OXSR1: variants seen among roughly 807,000 people sequenced by gnomAD.
The protein encoded by OXSR1 is serine/threonine-protein kinase OSR1.
A neutral mutation model predicts 79.8 loss-of-function variants in OXSR1; 24 were observed. That is an observed-to-expected ratio of 0.30 (90% CI 0.22 to 0.42). The LOEUF (loss-of-function observed/expected upper bound fraction) is 0.42. Ranked by LOEUF, OXSR1 falls within the 10% of genes least tolerant of loss-of-function variation. The probability of loss-of-function intolerance (pLI) is 1.00; values close to 1 mark genes in which losing one functional copy is unlikely to be tolerated. For synonymous variants in OXSR1, 226 were observed against 209.2 expected, an observed-to-expected ratio of 1.08 and a Z score of -0.69; for missense variants, 430 against 618.4, an observed-to-expected ratio of 0.70 and a Z score of 3.23.
intron 3 of OXSR1, chr3:38,193,392 C>T: frequency 7.8e-7 from 1 of 1,288,408 alleles, no homozygotes; most frequent in Non-Finnish European, 1.0e-6. Flanking sequence ...ATGGTTCTTT[C>T]AGTATGGAGA....
At chr3:38,244,666 T>TGTGTGTGTGTGTGTGTGTGTGTGCGC (rs748851263) in intron 12 of OXSR1, among the ~76,000 whole-genome samples, 21 of 144,060 alleles carry the variant, frequency 1.5e-4, no homozygotes, top group East Asian at 2.0e-4. Context: ...TGTGTGTGTG[T>TGTGTGTGTGTGTGTGTGTGTGTGCGC]GCGTGCGCAT....
intron 5 of OXSR1, among the ~76,000 whole-genome samples, chr3:38,219,763 G>A (rs1466326945): frequency 6.8e-6 from 1 of 146,940 alleles, no homozygotes; most frequent in Non-Finnish European, 1.5e-5. Flanking sequence ...CGGTTTAGGA[G>A]TATTGAAAAC....
intron 4 of OXSR1, among the ~76,000 whole-genome samples, chr3:38,204,460 C>T (rs773521350): frequency 6.6e-6 from 1 of 152,082 alleles, no homozygotes; most frequent in African/African-American, 2.4e-5. Context: ...GAAGCCAGCA[C>T]GTCTCTGAGT....
chr3:38,231,849 G>A (rs1053628589), intron 10 of OXSR1, among the ~76,000 whole-genome samples: 1 of 152,214 alleles, frequency 6.6e-6, no homozygotes, highest in African/African-American at 2.4e-5. Flanking sequence ...GCTCATGCCT[G>A]TAATCCCAGC....
At chr3:38,231,190 A>G (rs1702799075) in intron 10 of OXSR1, among the ~76,000 whole-genome samples, 2 of 152,242 alleles carry the variant, frequency 1.3e-5, no homozygotes, top group African/African-American at 2.4e-5. Flanking sequence ...ATTTAACACA[A>G]TGAAGAACCA....
At position 38,216,383 on chromosome 3, in the gene OXSR1, A is replaced by G. The variant is rs534510326; in HGVS notation, c.490+232A>G. On this transcript the variant is annotated intron_variant, in intron 5 of 17. Transcript: ENST00000311806. ...GACCATTACTTGTTTCCTTCCAGCT[A>G]TCCACTCCTTACTTCCATTAGGGTC... Among the ~76,000 whole-genome samples, 89 of 152,112 alleles carry G rather than the reference A, an allele frequency of 5.9e-4. 1 individual carries two copies. The highest frequency in any genetic ancestry group is 7.6e-4 in the Non-Finnish European group (52 of 67,978).
intron 1 of OXSR1, among the ~76,000 whole-genome samples, chr3:38,179,188 G>A (rs1035551702): frequency 8.6e-5 from 13 of 151,850 alleles, no homozygotes; most frequent in South Asian, 2.1e-4. Context: ...GTGCCATAAC[G>A]CCTGGGTAAA....
At chr3:38,227,030 T>C (rs1270672195) in intron 8 of OXSR1, among the ~76,000 whole-genome samples, 1 of 152,186 alleles carries the variant, frequency 6.6e-6, no homozygotes, top group Non-Finnish European at 1.5e-5. Context: ...TTTGCAGCTC[T>C]TCTGTAAGTC....
chr3:38,197,950 T>C (rs1296943877), intron 3 of OXSR1, among the ~76,000 whole-genome samples: 1 of 152,238 alleles, frequency 6.6e-6, no homozygotes, highest in African/African-American at 2.4e-5. Context: ...TTTGTTTTGG[T>C]TCTGTGATTG....
intron 10 of OXSR1, chr3:38,236,549 A>G (rs1702921973): frequency 5.0e-6 from 1 of 200,646 alleles, no homozygotes; most frequent in Admixed American, 6.0e-5. Context: ...TTTTCCTTAA[A>G]TGTCTCAGGA....
intron 3 of OXSR1, among the ~76,000 whole-genome samples, chr3:38,194,296 TC>T (rs1357694872): frequency 1.3e-5 from 2 of 152,196 alleles, no homozygotes; most frequent in Non-Finnish European, 2.9e-5. Context: ...ATGCCTGCTG[TC>T]CCAGTGCTTT....
intron 4 of OXSR1, among the ~76,000 whole-genome samples, chr3:38,204,078 C>G (rs997467700): frequency 6.6e-5 from 10 of 152,190 alleles, no homozygotes; most frequent in Non-Finnish European, 4.4e-5. Flanking sequence ...CTTCCCCCCC[C>G]TTTCCACAAG....
At chr3:38,169,587 G>A (rs1175090562) in intron 1 of OXSR1, among the ~76,000 whole-genome samples, 1 of 151,986 alleles carries the variant, frequency 6.6e-6, no homozygotes, top group East Asian at 1.9e-4. Context: ...TTACAGGGGT[G>A]AGCCACTGCG....
intron 15 of OXSR1, 152 bp from the exon 16 acceptor site, chr3:38,251,251 T>C (rs1703249456): frequency 1.5e-6 from 1 of 677,122 alleles, no homozygotes; most frequent in Non-Finnish European, 2.7e-6. Context: ...AAAGTCTTTG[T>C]ATGGAAGGAA....
chr3:38,232,059 A>G (rs1174297412), intron 10 of OXSR1, among the ~76,000 whole-genome samples: 1 of 152,114 alleles, frequency 6.6e-6, no homozygotes, highest in African/African-American at 2.4e-5. Flanking sequence ...GTGAGCTGAG[A>G]TTGTGCCACT....
At chr3:38,190,618 G>T in intron 2 of OXSR1, 113 bp from the exon 3 acceptor site, 1 of 638,292 alleles carries the variant, frequency 1.6e-6, no homozygotes, top group Non-Finnish European at 2.8e-6. Flanking sequence ...GAGCCATGGA[G>T]ATCCCAGAAA....
rs1024956991 is a variant in OXSR1, at chr3:38,165,800, G to A, written c.-77G>A. On this transcript the variant is annotated 5_prime_UTR_variant, in exon 1 of 18. Transcript: ENST00000311806. ...GCGGCGGCGGCGGCGGCGGCTGTTG[G>A]GGGTGGGGAGACGCGCGGCGAGGAG... 1.4e-5 allele frequency: 18 copies of A among 1,309,740 alleles called. No individual in the cohort carries two copies. The highest frequency in any genetic ancestry group is 2.4e-5 in the East Asian group (1 of 41,018). 81.1% of individuals were successfully genotyped at this position (1,309,740 alleles called of 1,614,324 possible). A position where few individuals can be genotyped will look rare whatever the true frequency, so the allele number is the denominator to read the frequency against.
chr3:38,178,012 A>C (rs934617941), intron 1 of OXSR1, among the ~76,000 whole-genome samples: 1 of 152,122 alleles, frequency 6.6e-6, no homozygotes, highest in Admixed American at 6.5e-5. Flanking sequence ...GCAGTGGTGC[A>C]ATCTCAGCTC....
intron 7 of OXSR1, among the ~76,000 whole-genome samples, 174 bp downstream of exon 7, chr3:38,224,087 G>A (rs576764076): frequency 1.3e-5 from 2 of 152,082 alleles, no homozygotes; most frequent in East Asian, 1.9e-4. Context: ...CGTTCATCAC[G>A]TTGTGCAGTT....
Sources: gnomAD v4.1 joint callset for allele counts (sites outside exome capture counted in the v4.1 genomes callset) on GRCh38, gnomAD v4.1.1 for gene constraint, MANE v1.5 for transcripts, NCBI Gene and HGNC (gene_info 2026-07-23, HGNC 2026-07-21) for gene names.